The following FKBP15 variants were observed in gnomAD, a reference collection of about 807,000 sequenced individuals.
The protein encoded by FKBP15 is FK506-binding protein 15.
FKBP15 carries 106 observed loss-of-function variants against 158.1 expected under a neutral mutation model. The ratio of observed to expected loss-of-function variants is 0.67; its 90% CI spans 0.57 to 0.79. The LOEUF is 0.79. Ranked by LOEUF, FKBP15 falls within the 30% of genes least tolerant of loss-of-function variation. The pLI is 0.00. For synonymous variants in FKBP15, 547 were observed against 548.6 expected, an observed-to-expected ratio of 1.00 and a Z score of 0.04; for missense variants, 1,287 against 1,479.1, an observed-to-expected ratio of 0.87 and a Z score of 2.13.
chr9:113,178,984 T>C (rs2118878286), intron 19 of FKBP15, among the ~76,000 whole-genome samples, 183 bp from the exon 20 acceptor site: 1 of 152,234 alleles, frequency 6.6e-6, no homozygotes, highest in East Asian at 1.9e-4. Flanking sequence ...ATTATATTAC[T>C]ACTACTATTA....
At chr9:113,215,862 G>A (rs10739389) in intron 1 of FKBP15, among the ~76,000 whole-genome samples, 50,237 of 149,956 alleles carry the variant, frequency 0.34, 8,585 homozygotes, top group African/African-American at 0.39. Context: ...TGTTGGCCAG[G>A]CTGGTTGCAA....
At chr9:113,186,699 G>A (rs1277747262) in intron 14 of FKBP15, 1 of 182,700 alleles carries the variant, frequency 5.5e-6, no homozygotes, top group East Asian at 1.3e-4. Flanking sequence ...AATAAACTCT[G>A]CTTAGCTTCC....
intron 14 of FKBP15, chr9:113,187,575 G>A (rs1277490778): frequency 1.8e-6 from 1 of 550,830 alleles, no homozygotes; most frequent in Non-Finnish European, 3.3e-6. Flanking sequence ...TGTACTAGGG[G>A]CTCTACTTGT....
At chr9:113,190,917 G>A (rs1162692563) in intron 11 of FKBP15, among the ~76,000 whole-genome samples, 1 of 152,212 alleles carries the variant, frequency 6.6e-6, no homozygotes, top group Non-Finnish European at 1.5e-5. Context: ...CATTTTAGGT[G>A]ACAGTACCCT....
At chr9:113,171,797 T>TA in intron 23 of FKBP15, 91 bp from the exon 24 acceptor site, 7 of 1,056,222 alleles carry the variant, frequency 6.6e-6, no homozygotes, top group East Asian at 3.0e-5. Flanking sequence ...ACATCAAGTC[T>TA]CTTTTTTTTT....
chr9:113,200,534 A>T (rs1830769362), intron 6 of FKBP15, among the ~76,000 whole-genome samples: 1 of 152,188 alleles, frequency 6.6e-6, no homozygotes, highest in South Asian at 2.1e-4. Flanking sequence ...ATCTTAGCAC[A>T]AATCTTAGAC....
chr9:113,187,724 A>G lies in FKBP15; in HGVS notation c.1383+69T>C, dbSNP rs1237752302. The G allele has an allele frequency of 4.0e-6, 5 of 1,243,172 alleles. No individual in the cohort carries two copies. In the African/African-American group the frequency reaches 6.0e-5, roughly 15 times the overall value. The allele number at this position is 1,243,172 out of a possible 1,614,324, so 77.0% of individuals were successfully genotyped here. A position where few individuals can be genotyped will look rare whatever the true frequency, so the allele number is the denominator to read the frequency against. ...CTGCTACTGTATGAAATGTACAGGA[A>G]GAAGAAAAGAGACTGACTAGAACCA... On this transcript the variant is annotated intron_variant, in intron 14 of 27. Transcript: ENST00000238256.
rs867525411 is a variant in FKBP15, at chr9:113,161,376, C to T, written c.*4702G>A. On this transcript the variant is annotated 3_prime_UTR_variant, in exon 28 of 28. Coordinates refer to ENST00000238256, the MANE Select transcript of FKBP15 (RefSeq NM_015258.2). ...GTCTGGTGAAGACAGTGAAGAAGTT[C>T]GGAACTCAGCAAGGGTGGGGAAGAA... 17 of 805,914 alleles carry T rather than the reference C, an allele frequency of 2.1e-5. No homozygotes were observed. The highest frequency in any genetic ancestry group is 3.6e-4 in the Middle Eastern group (1 of 2,800). 49.9% of individuals were successfully genotyped at this position (805,914 alleles called of 1,614,324 possible). A position where few individuals can be genotyped will look rare whatever the true frequency, so the allele number is the denominator to read the frequency against.
In FKBP15 at chr9:113,177,640, A is replaced by T. The variant is rs965397057; in HGVS notation, c.2087-967T>A. The stretch of plus-strand genomic sequence containing the variant: ...TCTCTACAAAATATAAAAAATTTTT[A>T]AAAAAATAAAAGGGAAGGGATGTAT... On this transcript the variant is annotated intron_variant, in intron 20 of 27. Transcript: ENST00000238256. Among the ~76,000 whole-genome samples the T allele has an allele frequency of 3.3e-5, 5 of 152,306 alleles. No individual in the cohort carries two copies. The South Asian group carries it at 6.2e-4, about 19-fold the overall frequency.
Position 113,173,596 on chromosome 9 carries a change from C to CTAAA in FKBP15, c.2385_2388dup (p.Val797PhefsTer5). 1 of 1,613,540 alleles carries CTAAA rather than the reference C, an allele frequency of 6.2e-7. No homozygotes were observed. The highest frequency in any genetic ancestry group is 8.5e-7 in the Non-Finnish European group (1 of 1,179,682). On this transcript the variant is annotated frameshift_variant, in exon 23 of 28. Transcript: ENST00000238256. LOFTEE classifies it high-confidence loss of function. ...CACTGGGTCTGTAGCTCAGCCTGTA[C>CTAAA]TAAAGACAGCTGCCAAGAGAAAGTA... is the stretch of plus-strand genomic sequence containing the variant.
At position 113,180,400 on chromosome 9, in the gene FKBP15, ATGTGTGTGTGTG is replaced by A. The variant is rs61018100; in HGVS notation, c.1915-1611_1915-1600del. Among the ~76,000 whole-genome samples, 122 of 150,104 alleles carry A rather than the reference ATGTGTGTGTGTG, an allele frequency of 8.1e-4. No homozygotes were observed. In the East Asian group the frequency reaches 8.6e-3, roughly 11 times the overall value. ...ATGCAACTTTTATGATCAGAAAAAA[ATGTGTGTGTGTG>A]TGTGTGTGTGTGTGTGTGTGTATAG... On this transcript the variant is annotated intron_variant, in intron 19 of 27. Coordinates refer to ENST00000238256, the MANE Select transcript of FKBP15 (RefSeq NM_015258.2).
At chr9:113,175,821 A>C (rs920519101) in intron 21 of FKBP15, among the ~76,000 whole-genome samples, 1 of 152,210 alleles carries the variant, frequency 6.6e-6, no homozygotes, top group Non-Finnish European at 1.5e-5. Flanking sequence ...ACAAGATAAC[A>C]TATTTCACCT....
intron 21 of FKBP15, 83 bp downstream of exon 21, chr9:113,176,454 G>A: frequency 1.4e-6 from 2 of 1,386,468 alleles, no homozygotes; most frequent in Admixed American, 2.5e-5. Context: ...GTTACAATAA[G>A]CACATACTAT....
At chr9:113,210,668 G>C (rs1047842460) in intron 2 of FKBP15, among the ~76,000 whole-genome samples, 1 of 152,132 alleles carries the variant, frequency 6.6e-6, no homozygotes, top group African/African-American at 2.4e-5. Flanking sequence ...TGTCTGTGAG[G>C]GTGTTGCCAA....
intron 2 of FKBP15, among the ~76,000 whole-genome samples, chr9:113,210,206 A>T (rs952058930): frequency 6.6e-6 from 1 of 151,926 alleles, no homozygotes; most frequent in South Asian, 2.1e-4. Flanking sequence ...TTAGAGAAGC[A>T]CTCACCACTG....
intron 9 of FKBP15, 57 bp downstream of exon 9, chr9:113,196,875 A>C: frequency 6.4e-7 from 1 of 1,561,252 alleles, no homozygotes; most frequent in Non-Finnish European, 8.7e-7. Flanking sequence ...ATTTTGTGTA[A>C]CTAGCAAAGA....
intron 24 of FKBP15, among the ~76,000 whole-genome samples, chr9:113,171,052 A>G (rs1225919647): frequency 6.6e-6 from 1 of 152,202 alleles, no homozygotes; most frequent in Non-Finnish European, 1.5e-5. Context: ...TCAGAAAGAT[A>G]GGGTTCTTTT....
chr9:113,194,461 A>AAAG (rs1564172533), intron 9 of FKBP15, among the ~76,000 whole-genome samples: 1 of 151,452 alleles, frequency 6.6e-6, no homozygotes, highest in African/African-American at 2.4e-5. Flanking sequence ...AAAAAAAAAA[A>AAAG]AGAGTCATTG....
At chr9:113,206,972 C>T in intron 3 of FKBP15, 1 of 476,896 alleles carries the variant, frequency 2.1e-6, no homozygotes, top group Non-Finnish European at 3.8e-6. Context: ...GAGAGGCTTT[C>T]TTTGAGCATT....
Sources: allele counts gnomAD v4.1 joint callset (sites outside exome capture counted in the v4.1 genomes callset), GRCh38; gene constraint gnomAD v4.1.1; transcripts MANE v1.5; gene names NCBI Gene and HGNC (gene_info 2026-07-23, HGNC 2026-07-21).